Variants in CDC42BPB observed in about 807,000 individuals in gnomAD.
The protein encoded by CDC42BPB is CDC42 binding protein kinase beta, also known as serine/threonine-protein kinase MRCK beta.
A neutral mutation model predicts 214.9 loss-of-function variants in CDC42BPB; 37 were observed. The ratio of observed to expected loss-of-function variants is 0.17; its 90% CI spans 0.13 to 0.23. The LOEUF (loss-of-function observed/expected upper bound fraction) is 0.23. Among genes scored for constraint, CDC42BPB ranks in the 10% least tolerant of loss-of-function variants. The pLI is 1.00. For synonymous variants in CDC42BPB, 931 were observed against 884.0 expected (o/e 1.05, Z -0.94); for missense variants, 1,694 against 2,227.0 (o/e 0.76, Z 4.82).
chr14:102,966,035 A>T (rs1893186428), intron 18 of CDC42BPB, among the ~76,000 whole-genome samples: 1 of 152,228 alleles, frequency 6.6e-6, no homozygotes, highest in Admixed American at 6.5e-5. Context: ...GGCAGAATCC[A>T]GTCTTAACTT....
chr14:102,955,037 T>C (rs1892653446), intron 21 of CDC42BPB, among the ~76,000 whole-genome samples: 1 of 152,228 alleles, frequency 6.6e-6, no homozygotes, highest in Non-Finnish European at 1.5e-5. Flanking sequence ...GCAGCCTCCT[T>C]GCCCCGGTCA....
intron 1 of CDC42BPB, among the ~76,000 whole-genome samples, chr14:103,051,234 C>CTCATCCAT (rs1341897906): frequency 6.6e-6 from 1 of 151,114 alleles, no homozygotes; most frequent in African/African-American, 2.5e-5. Flanking sequence ...GGTGTTTCCT[C>CTCATCCAT]TCATCCATTC....
chr14:102,995,313 T>G (rs1198629840), intron 5 of CDC42BPB, among the ~76,000 whole-genome samples: 1 of 152,006 alleles, frequency 6.6e-6, no homozygotes, highest in East Asian at 1.9e-4. Flanking sequence ...CAGCTGGGAG[T>G]ACAGGTGCTC....
chr14:103,014,316 G>A (rs17101170), intron 1 of CDC42BPB, among the ~76,000 whole-genome samples: 5,177 of 152,188 alleles, frequency 0.034, 273 homozygotes, highest in African/African-American at 0.12. Context: ...TCTGGCATCC[G>A]TGCAGTCAAT....
At chr14:102,982,569 G>A (rs1894051929) in intron 7 of CDC42BPB, among the ~76,000 whole-genome samples, 1 of 152,210 alleles carries the variant, frequency 6.6e-6, no homozygotes. Context: ...AGGAGTTTGA[G>A]ACCAGCTTTG....
intron 7 of CDC42BPB, among the ~76,000 whole-genome samples, chr14:102,981,983 C>T (rs1894026344): frequency 6.6e-6 from 1 of 152,184 alleles, no homozygotes; most frequent in African/African-American, 2.4e-5. Flanking sequence ...TGAGCCACCA[C>T]CTCTGTCATC....
chr14:102,968,630 G>T lies in CDC42BPB; in HGVS notation c.2082C>A (p.Val694=). ...SKIKSELEKK[V]LFYEEELVRR... ...TGACCAATTCCTCTTCATAAAATAA[G>T]ACTTTCTTCTCCAGCTCGGATTTGA... The change falls in exon 15 of 37, where the codon GTC becomes GTA. Residue 694 remains valine (V), a synonymous_variant. Transcript: ENST00000361246. The T allele has an allele frequency of 6.2e-7, 1 of 1,614,184 alleles. No homozygotes were observed. Among genetic ancestry groups the T allele is most frequent in the Non-Finnish European group, 8.5e-7 (1 of 1,180,040 alleles).
intron 26 of CDC42BPB, among the ~76,000 whole-genome samples, chr14:102,948,779 TA>T (rs1892340645): frequency 6.6e-6 from 1 of 151,486 alleles, no homozygotes; most frequent in African/African-American, 2.4e-5. Context: ...AGAGGTTCCC[TA>T]AAGAGTGCTG....
chr14:103,041,561 T>C (rs1887996012), intron 1 of CDC42BPB: 2 of 1,271,188 alleles, frequency 1.6e-6, no homozygotes, highest in South Asian at 2.5e-5. Flanking sequence ...GGCCCGAAGA[T>C]CCGCAGATGC....
chr14:102,954,639 G>C lies in CDC42BPB; in HGVS notation c.2951C>G (p.Ser984Cys), dbSNP rs771946677. Residue 984 changes from serine (S) to cysteine (C), a missense_variant, in exon 22 of 37, where the codon TCC (serine) becomes TGC (cysteine). Transcript: ENST00000361246. ...TGATGCAGCCACAGACATCGACGGG[G>C]ACGCTTCTGGCTTCGGAGCTTGTGT... The part of the protein sequence containing the change: ...QETQAPKPEA[S>C]PSMSVAASEQ... 6.2e-7 allele frequency: 1 copy of C among 1,613,934 alleles called. No individual in the cohort carries two copies. Among genetic ancestry groups the C allele is most frequent in the Non-Finnish European group, 8.5e-7 (1 of 1,179,990 alleles).
chr14:102,939,806 G>C (rs1465696726), intron 33 of CDC42BPB, 24 bp downstream of exon 33: 1 of 1,613,902 alleles, frequency 6.2e-7, no homozygotes, highest in African/African-American at 1.3e-5. Flanking sequence ...AGGCCCAGCA[G>C]GCCCCGTGAG....
At chr14:102,949,467 T>C in intron 26 of CDC42BPB, among the ~76,000 whole-genome samples, 1 of 151,988 alleles carries the variant, frequency 6.6e-6, no homozygotes. Flanking sequence ...CTTGGGCATG[T>C]GGTTTTCTTA....
chr14:102,953,788 G>A (rs184296593), intron 23 of CDC42BPB, among the ~76,000 whole-genome samples: 3 of 152,324 alleles, frequency 2.0e-5, no homozygotes, highest in Admixed American at 1.3e-4. Context: ...CTGCAGGGCC[G>A]TTTATGCTGG....
chr14:103,032,010 A>G (rs1887408084), intron 1 of CDC42BPB, among the ~76,000 whole-genome samples: 1 of 151,358 alleles, frequency 6.6e-6, no homozygotes, highest in Non-Finnish European at 1.5e-5. Context: ...TTTTAAGAAA[A>G]ATGCCACAAG....
At chr14:102,946,951 T>A (rs575668711) in intron 27 of CDC42BPB, 93 of 609,704 alleles carry the variant, frequency 1.5e-4, no homozygotes, top group Admixed American at 4.4e-4. Flanking sequence ...TACGAGTAGC[T>A]GCCTACTTTA....
At chr14:102,942,680 G>A (rs552383457) in intron 30 of CDC42BPB, among the ~76,000 whole-genome samples, 17 of 152,334 alleles carry the variant, frequency 1.1e-4, no homozygotes, top group African/African-American at 4.1e-4. Flanking sequence ...AAGTAGCTGG[G>A]ACTACAGGCA....
chr14:102,983,840 A>T (rs1730970279), intron 6 of CDC42BPB, 84 bp from the exon 7 acceptor site: 1 of 1,499,796 alleles, frequency 6.7e-7, no homozygotes, highest in Non-Finnish European at 8.9e-7. Context: ...AATATAGCGG[A>T]GGCAGAAAAT....
chr14:103,021,227 G>A (rs761791305), intron 1 of CDC42BPB, among the ~76,000 whole-genome samples: 33 of 152,332 alleles, frequency 2.2e-4, no homozygotes, highest in Non-Finnish European at 3.8e-4. Flanking sequence ...TTGGGAGGCC[G>A]AGGCGAGTGG....
intron 17 of CDC42BPB, 121 bp downstream of exon 17, chr14:102,966,925 G>A (rs765948835): frequency 4.2e-6 from 5 of 1,181,470 alleles, no homozygotes; most frequent in Non-Finnish European, 6.0e-6. Flanking sequence ...AGTGAGACCT[G>A]CACCCCAGCC....
Sources: gnomAD v4.1 joint callset for allele counts (sites outside exome capture counted in the v4.1 genomes callset) on GRCh38, gnomAD v4.1.1 for gene constraint, MANE v1.5 for transcripts, NCBI Gene and HGNC (gene_info 2026-07-23, HGNC 2026-07-21) for gene names.